Variants in ANO10 observed in about 807,000 individuals in gnomAD.
ANO10 encodes the protein anoctamin-10.
A neutral mutation model predicts 74.7 loss-of-function variants in ANO10; 77 were observed. That is an observed-to-expected ratio of 1.03 (90% CI 0.86 to 1.25). ANO10 has a LOEUF of 1.25. Among genes scored for constraint, ANO10 ranks in the 50% most tolerant of loss-of-function variants. The probability of loss-of-function intolerance (pLI) is 0.00; values close to 1 mark genes in which losing one functional copy is unlikely to be tolerated. For synonymous variants in ANO10, 279 were observed against 284.9 expected (o/e 0.98, Z 0.21); for missense variants, 721 against 778.1 (o/e 0.93, Z 0.87).
chr3:43,643,059 T>C (rs2083686970), intron 1 of ANO10, among the ~76,000 whole-genome samples: 1 of 149,642 alleles, frequency 6.7e-6, no homozygotes, highest in Non-Finnish European at 1.5e-5. Flanking sequence ...TGAGACGGAG[T>C]CTTGCTCTGT....
At chr3:43,634,635 A>G (rs1419253401) in intron 1 of ANO10, among the ~76,000 whole-genome samples, 1 of 152,192 alleles carries the variant, frequency 6.6e-6, no homozygotes, top group Non-Finnish European at 1.5e-5. Context: ...CTTAAGTTTC[A>G]TCCAGTGCCT....
chr3:43,459,815 C>G (rs192068655), intron 11 of ANO10, among the ~76,000 whole-genome samples: 126 of 152,266 alleles, frequency 8.3e-4, no homozygotes, highest in African/African-American at 2.8e-3. Context: ...CTTCCACCAT[C>G]ATGGTGGAAC....
rs148612086 is a variant in ANO10, at chr3:43,671,062, A to G, written c.-12+20455T>C. ...TGTTGGTAAGTAATAGAACCTCTCT[A>G]TTCTCTGATTTCCCATTTATATGAT... On this transcript the variant is annotated intron_variant, in intron 1 of 3. Transcript: ENST00000413397. 3.5e-3 allele frequency among the ~76,000 whole-genome samples: 528 copies of G among 152,262 alleles called. 3 individuals carry two copies. Among genetic ancestry groups the G allele is most frequent in the African/African-American group, 0.012 (487 of 41,526 alleles).
At chr3:43,622,837 A>G (rs1050131263), upstream of ANO10, among the ~76,000 whole-genome samples, 2 of 151,590 alleles carry the variant, frequency 1.3e-5, no homozygotes, top group African/African-American at 4.9e-5. Flanking sequence ...CTGCTCTCCT[A>G]TTTCTTCTGT....
chr3:43,586,581 T>C (rs2081491192), intron 4 of ANO10, among the ~76,000 whole-genome samples: 1 of 151,662 alleles, frequency 6.6e-6, no homozygotes, highest in Admixed American at 6.6e-5. Context: ...AAAACTGGCA[T>C]CGAGCTATGC....
chr3:43,622,523 T>C (rs2083442975), upstream of ANO10, among the ~76,000 whole-genome samples: 1 of 152,238 alleles, frequency 6.6e-6, no homozygotes, highest in African/African-American at 2.4e-5. Context: ...TCATTTTAAC[T>C]GTAGCTCACT....
chr3:43,404,113 C>T (rs1035466056), intron 12 of ANO10, among the ~76,000 whole-genome samples: 2 of 152,180 alleles, frequency 1.3e-5, no homozygotes, highest in African/African-American at 4.8e-5. Flanking sequence ...AGGAGATTAT[C>T]CATAGTGGGC....
At chr3:43,594,911 T>C (rs1385062015) in intron 4 of ANO10, among the ~76,000 whole-genome samples, 1 of 151,756 alleles carries the variant, frequency 6.6e-6, no homozygotes, top group Non-Finnish European at 1.5e-5. Context: ...ATAGACACAA[T>C]AAAAAATGAT....
chr3:43,577,017 T>A lies in ANO10; in HGVS notation c.837A>T (p.Arg279Ser), dbSNP rs374795191. 9.4e-5 allele frequency: 151 copies of A among 1,613,710 alleles called. 1 individual carries two copies. Among genetic ancestry groups the A allele is most frequent in the Non-Finnish European group, 1.2e-4 (146 of 1,179,762 alleles). ...TYRWGTLLMK[R>S]KFEEPRPGFH... The stretch of plus-strand genomic sequence containing the variant: ...ATCCTGGCCGGGGCTCCTCAAACTT[T>A]CTCTTCATGAGCAGTGTCCCCCACC... Residue 279 changes from arginine (R) to serine (S), a missense_variant, in exon 6 of 13, where the codon AGA (arginine) becomes AGT (serine). By Grantham distance (110) the Arg-to-Ser change is moderately radical. Transcript: ENST00000292246.
intron 12 of ANO10, among the ~76,000 whole-genome samples, chr3:43,413,777 G>A (rs994963455): frequency 2.0e-5 from 3 of 150,974 alleles, no homozygotes; most frequent in South Asian, 2.1e-4. Flanking sequence ...TTGACTGCAC[G>A]GCTGAATCCG....
At chr3:43,605,684 C>G in intron 2 of ANO10, 30 bp downstream of exon 2, 1 of 1,611,864 alleles carries the variant, frequency 6.2e-7, no homozygotes, top group Non-Finnish European at 8.5e-7. Flanking sequence ...GGAGGCCAGA[C>G]TAAGTCTGAG....
chr3:43,493,909 A>AT (rs1162094412), intron 11 of ANO10, among the ~76,000 whole-genome samples: 1 of 151,640 alleles, frequency 6.6e-6, no homozygotes, highest in Non-Finnish European at 1.5e-5. Flanking sequence ...CTAATTTTCC[A>AT]TTTTTTCACA....
rs115000863 is a variant in ANO10, at chr3:43,413,725, A to G, written c.1914+18886T>C. On this transcript the variant is annotated intron_variant, in intron 12 of 12. Coordinates refer to ENST00000292246, the MANE Select transcript of ANO10 (RefSeq NM_018075.5). ...TTTAAAAGTGAGTTAGTTTATGATC[A>G]TCAACAGCGGCAGACCGTTTTCTTC... Among the ~76,000 whole-genome samples, 419 of 150,542 alleles carry G rather than the reference A, an allele frequency of 2.8e-3. 2 individuals are homozygous for G. Among genetic ancestry groups the G allele is most frequent in the African/African-American group, 9.8e-3 (401 of 40,846 alleles).
At chr3:43,599,905 C>CAAAA (rs57600272) in intron 3 of ANO10, among the ~76,000 whole-genome samples, 1 of 102,352 alleles carries the variant, frequency 9.8e-6, no homozygotes, top group African/African-American at 3.7e-5. Flanking sequence ...GACTCTGTCT[C>CAAAA]AAAAAAAAAA....
At chr3:43,435,831 A>G (rs2093057915) in intron 11 of ANO10, among the ~76,000 whole-genome samples, 1 of 152,200 alleles carries the variant, frequency 6.6e-6, no homozygotes, top group Non-Finnish European at 1.5e-5. Flanking sequence ...ATTTCTTGCT[A>G]TCCTCCACCC....
chr3:43,489,627 G>C (rs921222996), intron 11 of ANO10, among the ~76,000 whole-genome samples: 2 of 152,098 alleles, frequency 1.3e-5, no homozygotes, highest in African/African-American at 4.8e-5. Context: ...TTCACAATAA[G>C]ACTAGGAGAT....
In ANO10 at chr3:43,561,329, T is replaced by C; in HGVS notation, c.1367A>G (p.Gln456Arg). 1 of 1,614,150 alleles carries C rather than the reference T, an allele frequency of 6.2e-7. No homozygotes were observed. Among genetic ancestry groups the C allele is most frequent in the Admixed American group, 1.7e-5 (1 of 60,020 alleles). Residue 456 changes from glutamine to arginine, a missense_variant, in exon 9 of 13, where the codon CAA becomes CGA. Gln to Arg is a conservative substitution (Grantham distance 43, BLOSUM62 1). Coordinates refer to ENST00000292246, the MANE Select transcript of ANO10 (RefSeq NM_018075.5). ...IMESFLPYWL[Q>R]RKHGVRVKRK... ...CTTCACCCGCACACCATGCTTCCTT[T>C]GGAGCCAATAAGGAAGAAAAGATTC...
chr3:43,468,484 T>C (rs2075719896), intron 11 of ANO10, among the ~76,000 whole-genome samples: 1 of 152,198 alleles, frequency 6.6e-6, no homozygotes, highest in Non-Finnish European at 1.5e-5. Context: ...TGTGTGCACA[T>C]GGCTTTCTAG....
chr3:43,492,171 C>T (rs2076748304), intron 11 of ANO10, among the ~76,000 whole-genome samples: 1 of 152,188 alleles, frequency 6.6e-6, no homozygotes, highest in African/African-American at 2.4e-5. Flanking sequence ...ACAAACCTGA[C>T]ACACACAAGC....
Sources: gnomAD v4.1 joint callset for allele counts (sites outside exome capture counted in the v4.1 genomes callset) on GRCh38, gnomAD v4.1.1 for gene constraint, MANE v1.5 for transcripts, NCBI Gene and HGNC (gene_info 2026-07-23, HGNC 2026-07-21) for gene names.